MIER1: variants seen among roughly 807,000 people sequenced by gnomAD.
MIER1 encodes the protein MIER1 transcriptional regulator, also known as mesoderm induction early response protein 1.
Under a neutral mutation model 75.7 loss-of-function variants are expected in MIER1, and 40 were observed. The observed-to-expected ratio is 0.53, with a 90% CI of 0.41 to 0.69. MIER1 has a LOEUF of 0.69. Ranked by LOEUF, MIER1 falls within the 30% of genes least tolerant of loss-of-function variation. MIER1 has a pLI of 0.00. For synonymous variants in MIER1, 213 were observed against 223.4 expected, an observed-to-expected ratio of 0.95 and a Z score of 0.42; for missense variants, 574 against 680.2, an observed-to-expected ratio of 0.84 and a Z score of 1.74.
chr1:66,963,133 A>G lies in MIER1; in HGVS notation c.745A>G (p.Ile249Val). Residue 249 changes from isoleucine to valine, a missense_variant, in exon 8 of 14, where the codon ATT becomes GTT. Ile to Val is a conservative substitution (Grantham distance 29). Around this residue, in one of 3 missense-constraint regions of MIER1, gnomAD observed 309 missense variants for 352.8 expected, o/e 0.88. Coordinates refer to ENST00000401041, the MANE Select transcript of MIER1 (RefSeq NM_001077700.3). ...GTTTCAAGCAGAAATTCCAGTTGGC[A>G]TTTGTAGATACAAAGAAAATGAAAA... ...SMFQAEIPVG[I>V]CRYKENEKVY... 6.2e-7 allele frequency: 1 copy of G among 1,611,608 alleles called. No homozygotes were observed. Among genetic ancestry groups the G allele is most frequent in the Non-Finnish European group, 8.5e-7 (1 of 1,178,018 alleles).
intron 5 of MIER1, 135 bp from the exon 6 acceptor site, chr1:66,958,716 C>T (rs1660656572): frequency 1.6e-6 from 1 of 643,960 alleles, no homozygotes; most frequent in Non-Finnish European, 2.5e-6. Context: ...CAGGAACCAA[C>T]CCAGAGGATG....
intron 11 of MIER1, among the ~76,000 whole-genome samples, chr1:66,975,065 A>G (rs1313909558): frequency 2.6e-5 from 4 of 152,220 alleles, no homozygotes; most frequent in African/African-American, 9.6e-5. Flanking sequence ...AGAGCTGTAC[A>G]GTGCAAACGG....
chr1:66,981,647 T>G, intron 12 of MIER1, 132 bp from the exon 13 acceptor site: 1 of 659,128 alleles, frequency 1.5e-6, no homozygotes, highest in Non-Finnish European at 2.5e-6. Flanking sequence ...CCTGGTATGA[T>G]AGATGAAGCA....
chr1:66,947,107 C>A, intron 4 of MIER1: 1 of 546,896 alleles, frequency 1.8e-6, no homozygotes, highest in Non-Finnish European at 2.3e-6. Flanking sequence ...GACCTCTCCC[C>A]CGGCATACTG....
Position 66,985,643 on chromosome 1 carries a change from TTTTC to T in MIER1, c.*746_*749del. On this transcript the variant is annotated 3_prime_UTR_variant, in exon 14 of 14. Transcript: ENST00000401041. Reference sequence around the variant, plus strand: ...TTTCTTAATACAAAAGCGTGTATAATTTTCTTAACTTGTACAGTTGGTAAACTTT... The same window carrying T: ...TTTCTTAATACAAAAGCGTGTATAATTTAACTTGTACAGTTGGTAAACTTT... The T allele has an allele frequency of 2.0e-6, 2 of 984,730 alleles. No homozygotes were observed. The highest frequency in any genetic ancestry group is 5.2e-4 in the Middle Eastern group (1 of 1,910). 61.0% of individuals were successfully genotyped at this position (984,730 alleles called of 1,614,324 possible). A position where few individuals can be genotyped will look rare whatever the true frequency, so the allele number is the denominator to read the frequency against.
intron 8 of MIER1, among the ~76,000 whole-genome samples, chr1:66,969,079 A>T (rs1489980977): frequency 6.6e-6 from 1 of 152,148 alleles, no homozygotes; most frequent in East Asian, 1.9e-4. Context: ...ATAATTTAGG[A>T]TATAACTAGG....
intron 3 of MIER1, among the ~76,000 whole-genome samples, chr1:66,942,315 A>T (rs1656442474): frequency 6.6e-6 from 1 of 152,218 alleles, no homozygotes; most frequent in Non-Finnish European, 1.5e-5. Context: ...TGTAGTCTCC[A>T]CCAGTGTAAG....
intron 12 of MIER1, among the ~76,000 whole-genome samples, chr1:66,979,615 G>A (rs1665489894): frequency 6.6e-6 from 1 of 152,130 alleles, no homozygotes; most frequent in Admixed American, 6.5e-5. Flanking sequence ...TGGATGGTTT[G>A]TCTGATTCTG....
At chr1:66,961,426 A>AT (rs972550231) in intron 7 of MIER1, among the ~76,000 whole-genome samples, 2 of 152,200 alleles carry the variant, frequency 1.3e-5, no homozygotes, top group Non-Finnish European at 1.5e-5. Flanking sequence ...TTAAAGGAAA[A>AT]TTGCATATAT....
At chr1:66,927,549 A>AT (rs891975363) in intron 2 of MIER1, among the ~76,000 whole-genome samples, 6 of 151,660 alleles carry the variant, frequency 4.0e-5, no homozygotes, top group Admixed American at 1.3e-4. Flanking sequence ...TTAAAAATAA[A>AT]TTTTTTTTTG....
At chr1:66,969,219 G>A (rs1395451711) in intron 8 of MIER1, among the ~76,000 whole-genome samples, 1 of 152,096 alleles carries the variant, frequency 6.6e-6, no homozygotes, top group African/African-American at 2.4e-5. Context: ...AGGTTTTGAA[G>A]TGTGTGTGGG....
At chr1:66,971,119 T>C (rs1663510546) in intron 9 of MIER1, among the ~76,000 whole-genome samples, 160 bp downstream of exon 9, 2 of 152,144 alleles carry the variant, frequency 1.3e-5, no homozygotes, top group South Asian at 4.1e-4. Context: ...GTTACCACAG[T>C]GACTTCATTG....
chr1:66,952,494 A>G (rs951123523), intron 4 of MIER1, among the ~76,000 whole-genome samples: 1 of 152,212 alleles, frequency 6.6e-6, no homozygotes. Context: ...TAACTAGATT[A>G]CAGACAGTCT....
chr1:66,933,115 C>A (rs897796324), intron 2 of MIER1, among the ~76,000 whole-genome samples: 1 of 151,964 alleles, frequency 6.6e-6, no homozygotes, highest in Non-Finnish European at 1.5e-5. Context: ...GCTTATTATC[C>A]CTTAAAATTA....
intron 2 of MIER1, chr1:66,928,986 C>T (rs1652466561): frequency 9.7e-6 from 14 of 1,441,788 alleles, no homozygotes; most frequent in African/African-American, 1.4e-5. Context: ...CACTTAGCAG[C>T]TACTTCATAT....
chr1:66,946,380 GGAGA>G, intron 4 of MIER1, 85 bp downstream of exon 4: 1 of 1,465,532 alleles, frequency 6.8e-7, no homozygotes, highest in African/African-American at 1.4e-5. Context: ...TCTCTGATTA[GGAGA>G]GAAATTGTGT....
intron 2 of MIER1, among the ~76,000 whole-genome samples, chr1:66,939,372 G>C (rs1655644620): frequency 3.9e-5 from 6 of 152,086 alleles, no homozygotes; most frequent in Admixed American, 3.9e-4. Flanking sequence ...AGGTAGAATG[G>C]TGGAGTGGAA....
At position 66,986,611 on chromosome 1, in the gene MIER1, A is replaced by G. The variant is rs552913057; in HGVS notation, c.*1711A>G. The G allele has an allele frequency of 2.9e-6, 2 of 684,370 alleles. No individual in the cohort carries two copies. The highest frequency in any genetic ancestry group is 1.8e-5 in the African/African-American group (1 of 55,696). The allele number at this position is 684,370 out of a possible 1,614,324, so 42.4% of individuals were successfully genotyped here. The stretch of plus-strand genomic sequence containing the variant: ...ATGTTCGGACTGCTTCCCTTCACCA[A>G]TGTGAACAACTTTTTTTCCCAAACA... On this transcript the variant is annotated 3_prime_UTR_variant, in exon 14 of 14. Coordinates refer to ENST00000401041, the MANE Select transcript of MIER1 (RefSeq NM_001077700.3).
intron 4 of MIER1, among the ~76,000 whole-genome samples, chr1:66,957,193 T>C (rs974529196): frequency 2.0e-5 from 3 of 152,252 alleles, no homozygotes; most frequent in African/African-American, 7.2e-5. Flanking sequence ...ATTTCTTGTT[T>C]ACTGGTTAGA....
Sources: gnomAD v4.1 joint callset for allele counts (sites outside exome capture counted in the v4.1 genomes callset) on GRCh38, gnomAD v4.1.1 for gene constraint, gnomAD v4.1.1 regional missense constraint, MANE v1.5 for transcripts, NCBI Gene and HGNC (gene_info 2026-07-23, HGNC 2026-07-21) for gene names.